The following PARD3B variants were observed in gnomAD, a reference collection of about 807,000 sequenced individuals.
PARD3B encodes par-3 family cell polarity regulator beta.
Under a neutral mutation model 130.2 loss-of-function variants are expected in PARD3B, and 103 were observed. That is an observed-to-expected ratio of 0.79 (90% CI 0.67 to 0.93). PARD3B has a LOEUF of 0.93. Among genes scored for constraint, PARD3B ranks in the 40% least tolerant of loss-of-function variants. The pLI is 0.00. For synonymous variants in PARD3B, 583 were observed against 553.2 expected, an observed-to-expected ratio of 1.05 and a Z score of -0.76; for missense variants, 1,609 against 1,499.2, an observed-to-expected ratio of 1.07 and a Z score of -1.21.
intron 18 of PARD3B, among the ~76,000 whole-genome samples, chr2:205,326,347 T>C (rs950281599): frequency 1.3e-5 from 2 of 151,194 alleles, no homozygotes; most frequent in Admixed American, 1.3e-4. Flanking sequence ...AAAAATCTTA[T>C]TCCATTAGGG....
At position 205,268,852 on chromosome 2, in the gene PARD3B, AC is replaced by A. The variant is rs991452811; in HGVS notation, c.2185+23032del. 7.2e-5 allele frequency among the ~76,000 whole-genome samples: 11 copies of A among 152,302 alleles called. No homozygotes were observed. Among genetic ancestry groups the A allele is most frequent in the Admixed American group, 7.2e-4 (11 of 15,294 alleles). On this transcript the variant is annotated intron_variant, in intron 16 of 22. Coordinates refer to ENST00000406610, the MANE Select transcript of PARD3B (RefSeq NM_001302769.2). The surrounding 1 kb of genome is among the most constrained non-coding windows in gnomAD (Gnocchi z 4.1). ...GAAAATAAATTACCTCATTTTAACA[AC>A]CTCATTAATAAGGTAATAAGAGACT...
At chr2:205,040,709 C>G (rs754769961) in intron 3 of PARD3B, among the ~76,000 whole-genome samples, 1 of 152,130 alleles carries the variant, frequency 6.6e-6, no homozygotes, top group Non-Finnish European at 1.5e-5. Context: ...CTTTCATCAT[C>G]AATGTAAAAA....
At chr2:204,694,831 A>C (rs1387323274) in intron 2 of PARD3B, among the ~76,000 whole-genome samples, 1 of 152,032 alleles carries the variant, frequency 6.6e-6, no homozygotes, top group Non-Finnish European at 1.5e-5. Flanking sequence ...GAATCTGTGC[A>C]CAGATGTATG....
intron 22 of PARD3B, among the ~76,000 whole-genome samples, chr2:205,571,417 C>T (rs2053557052): frequency 6.6e-6 from 1 of 152,234 alleles, no homozygotes; most frequent in Non-Finnish European, 1.5e-5. Context: ...TGCTGAAAGG[C>T]ATTCTTACTT....
At chr2:205,089,450 G>A (rs1701966432) in intron 4 of PARD3B, among the ~76,000 whole-genome samples, 1 of 152,112 alleles carries the variant, frequency 6.6e-6, no homozygotes, top group South Asian at 2.1e-4. Context: ...TTTTCTGCAA[G>A]CGCTTAATCC....
intron 1 of PARD3B, among the ~76,000 whole-genome samples, chr2:204,660,293 C>T (rs1373293084): frequency 2.0e-5 from 3 of 152,208 alleles, no homozygotes; most frequent in African/African-American, 4.8e-5. Context: ...TAACCACCTC[C>T]TTCTAACTGC....
intron 12 of PARD3B, among the ~76,000 whole-genome samples, chr2:205,173,573 T>C: frequency 6.6e-6 from 1 of 152,236 alleles, no homozygotes; most frequent in East Asian, 1.9e-4. Context: ...TAAAGTTATA[T>C]ACTCTATCTT....
intron 2 of PARD3B, among the ~76,000 whole-genome samples, chr2:204,698,225 C>G (rs1463363509): frequency 6.6e-6 from 1 of 152,072 alleles, no homozygotes; most frequent in African/African-American, 2.4e-5. Flanking sequence ...AGCTTAGGCT[C>G]TATTTTTTGG....
At chr2:204,546,632 G>A (rs1159044872) in intron 1 of PARD3B, among the ~76,000 whole-genome samples, 1 of 152,198 alleles carries the variant, frequency 6.6e-6, no homozygotes, top group African/African-American at 2.4e-5. Context: ...AGCCTTGTGA[G>A]CTGCCCTGTC....
At chr2:205,012,686 A>G (rs574749961) in intron 3 of PARD3B, among the ~76,000 whole-genome samples, 1 of 152,364 alleles carries the variant, frequency 6.6e-6, no homozygotes, top group Non-Finnish European at 1.5e-5. Flanking sequence ...CATTAAAGAG[A>G]TAGTGTTTTA....
In PARD3B at chr2:205,021,297, T is replaced by G. The variant is rs1483824849; in HGVS notation, c.395-26284T>G. Reference sequence around the variant, plus strand: ...TGAGGATTAGGAAACAGATTATAAGTAGCTAGAATGTAAAATAATAATAAT... The same window carrying G: ...TGAGGATTAGGAAACAGATTATAAGGAGCTAGAATGTAAAATAATAATAAT... On this transcript the variant is annotated intron_variant, in intron 3 of 22. Coordinates refer to ENST00000406610, the MANE Select transcript of PARD3B (RefSeq NM_001302769.2). The surrounding 1 kb of genome is among the most constrained non-coding windows in gnomAD (Gnocchi z 4.5). Among the ~76,000 whole-genome samples the G allele has an allele frequency of 6.6e-6, 1 of 152,170 alleles. No individual in the cohort carries two copies. Among genetic ancestry groups the G allele is most frequent in the Non-Finnish European group, 1.5e-5 (1 of 68,036 alleles).
At chr2:205,040,302 C>A (rs1698304387) in intron 3 of PARD3B, among the ~76,000 whole-genome samples, 1 of 152,142 alleles carries the variant, frequency 6.6e-6, no homozygotes, top group South Asian at 2.1e-4. Flanking sequence ...AGAAAACTAT[C>A]TTTTTACAGG....
At chr2:205,001,970 CTCCTTTATGGATTAAATTT>C (rs1354183725) in intron 3 of PARD3B, among the ~76,000 whole-genome samples, 1 of 152,136 alleles carries the variant, frequency 6.6e-6, no homozygotes, top group Non-Finnish European at 1.5e-5. Flanking sequence ...TTTAATTGGG[CTCCTTTATGGATTAAATTT>C]AGGAAGAAAT....
intron 18 of PARD3B, among the ~76,000 whole-genome samples, chr2:205,319,111 G>T (rs2042659345): frequency 6.6e-6 from 1 of 152,078 alleles, no homozygotes; most frequent in African/African-American, 2.4e-5. Flanking sequence ...ATTTTCAATA[G>T]CCTCTCCCGT....
chr2:205,600,082 C>T (rs1037306378), intron 22 of PARD3B, among the ~76,000 whole-genome samples: 2 of 152,192 alleles, frequency 1.3e-5, no homozygotes, highest in African/African-American at 4.8e-5. Context: ...TGAACCACAA[C>T]TTTTCCTGCC....
chr2:204,837,546 A>C (rs2044091611), intron 2 of PARD3B, among the ~76,000 whole-genome samples: 1 of 151,900 alleles, frequency 6.6e-6, no homozygotes. Context: ...TTGGTTCCCA[A>C]ATAGCTGGGA....
intron 2 of PARD3B, among the ~76,000 whole-genome samples, chr2:204,935,260 T>C (rs550784203): frequency 6.6e-5 from 10 of 151,582 alleles, no homozygotes; most frequent in Non-Finnish European, 7.4e-5. Context: ...CTGTGCGCAG[T>C]GGCTCACGCC....
intron 2 of PARD3B, among the ~76,000 whole-genome samples, chr2:204,720,628 A>G (rs2038951805): frequency 6.6e-6 from 1 of 152,058 alleles, no homozygotes; most frequent in Non-Finnish European, 1.5e-5. Flanking sequence ...CAAAAGGGAA[A>G]AGTTAAACTT....
intron 1 of PARD3B, among the ~76,000 whole-genome samples, chr2:204,651,469 G>C (rs1390388748): frequency 6.6e-6 from 1 of 152,260 alleles, no homozygotes; most frequent in Non-Finnish European, 1.5e-5. Flanking sequence ...ACTGGTGCAA[G>C]AGGTGAGTTC....
Sources: gnomAD v4.1 joint callset for allele counts (sites outside exome capture counted in the v4.1 genomes callset) on GRCh38, gnomAD v4.1.1 for gene constraint, Gnocchi (gnomAD v3.1) non-coding constraint, MANE v1.5 for transcripts, NCBI Gene and HGNC (gene_info 2026-07-23, HGNC 2026-07-21) for gene names.